Variants in RHOBTB2 observed in about 807,000 individuals in gnomAD.
The protein encoded by RHOBTB2 is Rho related BTB domain containing 2.
A neutral mutation model predicts 66.5 loss-of-function variants in RHOBTB2; 39 were observed. That is an observed-to-expected ratio of 0.59 (90% CI 0.45 to 0.77). The LOEUF (loss-of-function observed/expected upper bound fraction) is 0.77, where lower values mean the gene tolerates loss of function less well. Ranked by LOEUF, RHOBTB2 falls within the 30% of genes least tolerant of loss-of-function variation. RHOBTB2 has a pLI of 0.00. For missense variants in RHOBTB2, 755 were observed against 999.1 expected, an observed-to-expected ratio of 0.76 and a Z score of 3.29; for synonymous variants, 390 against 395.0, an observed-to-expected ratio of 0.99 and a Z score of 0.15.
chr8:22,959,897 C>G, the RHOBTB2 span, among the ~76,000 whole-genome samples: 1 of 149,598 alleles, frequency 6.7e-6, no homozygotes, highest in Admixed American at 6.7e-5. Flanking sequence ...GGTGTGGTGG[C>G]TTATGTTTAT....
the RHOBTB2 span, among the ~76,000 whole-genome samples, chr8:22,954,011 T>C: frequency 6.6e-6 from 1 of 152,226 alleles, no homozygotes; most frequent in Non-Finnish European, 1.5e-5. Flanking sequence ...ATAATCGCTA[T>C]CTAATTGATC....
the RHOBTB2 span, among the ~76,000 whole-genome samples, chr8:22,953,148 T>C: frequency 2.6e-5 from 4 of 152,180 alleles, no homozygotes; most frequent in African/African-American, 7.2e-5. Context: ...ACTGGAGTTA[T>C]ACACGTGCTC....
At position 23,007,515 on chromosome 8, in the gene RHOBTB2, G is replaced by T. The variant is rs1453506924; in HGVS notation, c.1270G>T (p.Gly424Trp). 1.2e-6 allele frequency: 2 copies of T among 1,613,934 alleles called. No homozygotes were observed. The highest frequency in any genetic ancestry group is 2.7e-5 in the African/African-American group (2 of 74,874). ...GAAGATGGACAGTTCCATCCAGCCG[G>T]GGCCCTTCCGGGCTGTCCTCAAGTA... ...VVKMDSSIQPGPFRAVLKYLY... is the reference protein window; with the variant it reads ...VVKMDSSIQPWPFRAVLKYLY... Residue 424 changes from glycine to tryptophan, a missense_variant, in exon 5 of 10, where the codon GGG (glycine) becomes TGG (tryptophan). By Grantham distance (184) the Gly-to-Trp change is radical (BLOSUM62 -2). Coordinates refer to ENST00000251822, the MANE Select transcript of RHOBTB2 (RefSeq NM_015178.3).
intron 2 of RHOBTB2, among the ~76,000 whole-genome samples, chr8:22,993,530 C>T (rs1810474103): frequency 1.3e-5 from 2 of 152,160 alleles, no homozygotes; most frequent in South Asian, 4.1e-4. Context: ...GGAAGAAGGC[C>T]ATGTAGCCAC....
intron 1 of RHOBTB2, among the ~76,000 whole-genome samples, chr8:23,002,545 G>C (rs557924626): frequency 1.3e-5 from 2 of 152,182 alleles, no homozygotes; most frequent in African/African-American, 4.8e-5. Context: ...TACAAAATTA[G>C]CCGGCATAGT....
chr8:23,010,580 C>T lies in RHOBTB2; in HGVS notation c.1663C>T (p.Leu555=), dbSNP rs1811113751. 6.2e-7 allele frequency: 1 copy of T among 1,614,088 alleles called. No individual in the cohort carries two copies. Among genetic ancestry groups the T allele is most frequent in the Non-Finnish European group, 8.5e-7 (1 of 1,179,994 alleles). Residue 555 remains leucine (L), a synonymous_variant, in exon 7 of 10, where the codon CTG becomes TTG. Coordinates refer to ENST00000251822, the MANE Select transcript of RHOBTB2 (RefSeq NM_015178.3). ...YTSKSCMRAV[L]EYLYTGMFTS... is the part of the protein sequence containing the mutation. ...AAGCAAGAGCTGCATGCGGGCCGTG[C>T]TGGAATACCTCTACACCGGCATGTT...
At chr8:23,016,691 C>T (rs922150177) in intron 9 of RHOBTB2, among the ~76,000 whole-genome samples, 4 of 152,150 alleles carry the variant, frequency 2.6e-5, no homozygotes, top group East Asian at 3.9e-4. Context: ...GGATTATAGG[C>T]ATGAGCCACT....
chr8:23,012,062 G>C (rs990507576), intron 7 of RHOBTB2, among the ~76,000 whole-genome samples: 7 of 152,212 alleles, frequency 4.6e-5, no homozygotes, highest in Non-Finnish European at 7.3e-5. Flanking sequence ...CAGGTAGCAA[G>C]AGAGGCATCT....
the RHOBTB2 span, among the ~76,000 whole-genome samples, chr8:22,970,897 G>A: frequency 6.6e-6 from 1 of 152,126 alleles, no homozygotes; most frequent in Non-Finnish European, 1.5e-5. Context: ...AATGTTGCAC[G>A]GTTTGATTTG....
rs1035031562 is a variant in RHOBTB2, at chr8:22,999,761, C to A, written c.-355C>A. On this transcript the variant is annotated 5_prime_UTR_variant, in exon 1 of 10. Transcript: ENST00000251822. ...GTAGCGGCGGCGGCCTCGCCCCTCT[C>A]CCGGCGCCCCTGCGCGCCGCCCGCT... 1 of 993,942 alleles carries A rather than the reference C, an allele frequency of 1.0e-6. No homozygotes were observed. The highest frequency in any genetic ancestry group is 1.1e-4 in the East Asian group (1 of 9,136). The allele number at this position is 993,942 out of a possible 1,614,324, so 61.6% of individuals were successfully genotyped here. A position where few individuals can be genotyped will look rare whatever the true frequency, so the allele number is the denominator to read the frequency against.
upstream of RHOBTB2, chr8:22,987,326 C>G (rs1484202703): frequency 1.3e-5 from 2 of 152,320 alleles, no homozygotes; most frequent in African/African-American, 2.4e-5. Context: ...GGGAACAAAG[C>G]CTCTGGCCCA....
At chr8:22,996,496 G>GGTGTGTGTGTGTGTGT, upstream of RHOBTB2, among the ~76,000 whole-genome samples, 1 of 98,730 alleles carries the variant, frequency 1.0e-5, no homozygotes, top group Non-Finnish European at 2.0e-5. Flanking sequence ...AGAGAGGGCT[G>GGTGTGTGTGTGTGTGT]GTGTGTGTGT....
chr8:23,007,017 C>T lies in RHOBTB2; in HGVS notation c.772C>T (p.His258Tyr). The change falls in exon 5 of 10, where the codon CAC becomes TAC. Residue 258 changes from histidine (H) to tyrosine (Y), a missense_variant. Transcript: ENST00000251822. The stretch of plus-strand genomic sequence containing the variant: ...CTCCAGCAGCGAGGAGTGCCCCGCC[C>T]ACCTCCTGGAGGACCCGCTCTGCGC... ...PPSSSEECPA[H>Y]LLEDPLCADV... The T allele has an allele frequency of 1.2e-6, 2 of 1,608,894 alleles. No individual in the cohort carries two copies. Among genetic ancestry groups the T allele is most frequent in the African/African-American group, 1.3e-5 (1 of 75,046 alleles).
upstream of RHOBTB2, among the ~76,000 whole-genome samples, chr8:22,996,499 GT>G (rs1810562534): frequency 0.012 from 8 of 690 alleles, no homozygotes; most frequent in Admixed American, 0.09. Flanking sequence ...GAGGGCTGGT[GT>G]GTGTGTGTGT....
the RHOBTB2 span, among the ~76,000 whole-genome samples, chr8:22,977,179 G>A: frequency 6.6e-6 from 1 of 152,198 alleles, no homozygotes; most frequent in Admixed American, 6.5e-5. Flanking sequence ...AAGAACAAAA[G>A]CTTCCTTGTC....
At chr8:23,015,373 G>C (rs551985594) in intron 8 of RHOBTB2, among the ~76,000 whole-genome samples, 1 of 152,284 alleles carries the variant, frequency 6.6e-6, no homozygotes, top group African/African-American at 2.4e-5. Flanking sequence ...CCACTACATA[G>C]GGCTCTGGTG....
In RHOBTB2 at chr8:23,008,093, G is replaced by A; in HGVS notation, c.1602G>A (p.Val534=). 1 of 1,612,116 alleles carries A rather than the reference G, an allele frequency of 6.2e-7. No homozygotes were observed. Among genetic ancestry groups the A allele is most frequent in the Non-Finnish European group, 8.5e-7 (1 of 1,179,248 alleles). The change falls in exon 6 of 10, where the codon GTG becomes GTA. Residue 534 remains valine, a synonymous_variant. Coordinates refer to ENST00000251822, the MANE Select transcript of RHOBTB2 (RefSeq NM_015178.3). ...CTGCCATGTTTGGGGGGCCATTTGTGGAGAGCTCCACCCGGGAGGTAAGGC... is the reference window on the plus strand; with the variant it reads ...CTGCCATGTTTGGGGGGCCATTTGTAGAGAGCTCCACCCGGGAGGTAAGGC... ...WMAAMFGGPF[V]ESSTREVVFP...
the RHOBTB2 span, among the ~76,000 whole-genome samples, chr8:22,963,560 G>GTTTTAGTCCATTCTC: frequency 6.6e-6 from 1 of 151,850 alleles, no homozygotes. Flanking sequence ...ATTACCAACT[G>GTTTTAGTCCATTCTC]TTTTAGTCCA....
chr8:22,975,427 G>A, the RHOBTB2 span, among the ~76,000 whole-genome samples: 1 of 152,210 alleles, frequency 6.6e-6, no homozygotes, highest in Non-Finnish European at 1.5e-5. Flanking sequence ...GCTGGCTAGA[G>A]GCACAGCAGG....
Sources: gnomAD v4.1 joint callset for allele counts (sites outside exome capture counted in the v4.1 genomes callset) on GRCh38, gnomAD v4.1.1 for gene constraint, MANE v1.5 for transcripts, NCBI Gene and HGNC (gene_info 2026-07-23, HGNC 2026-07-21) for gene names.